The following CUBN variants were observed in gnomAD, a reference collection of about 807,000 sequenced individuals.
CUBN encodes the protein cubilin.
CUBN carries 282 observed loss-of-function variants against 405.3 expected under a neutral mutation model. The ratio of observed to expected loss-of-function variants is 0.70; its 90% CI spans 0.63 to 0.77. The LOEUF (loss-of-function observed/expected upper bound fraction) is 0.77, where lower values mean the gene tolerates loss of function less well. Among genes scored for constraint, CUBN ranks in the 30% least tolerant of loss-of-function variants. The pLI is 0.00. For synonymous variants in CUBN, 1,684 were observed against 1,617.0 expected, an observed-to-expected ratio of 1.04 and a Z score of -0.99; for missense variants, 4,514 against 4,475.2, an observed-to-expected ratio of 1.01 and a Z score of -0.25.
At chr10:17,038,665 G>A (rs1196419163) in intron 27 of CUBN, among the ~76,000 whole-genome samples, 1 of 152,210 alleles carries the variant, frequency 6.6e-6, no homozygotes, top group Non-Finnish European at 1.5e-5. Flanking sequence ...TAAAATAATG[G>A]AAGCTAGATT....
In CUBN at chr10:16,846,907, T is replaced by C. The variant is rs77460437; in HGVS notation, c.9663+4328A>G. 7.3e-3 allele frequency among the ~76,000 whole-genome samples: 1,107 copies of C among 152,184 alleles called. 11 individuals carry two copies. The highest frequency in any genetic ancestry group is 0.025 in the African/African-American group (1,042 of 41,524). ...TGTTAGGATGAGGACCTCTCTCTGC[T>C]GGTTCCATACTTCCTGGCAGAAAAA... On this transcript the variant is annotated intron_variant, in intron 60 of 66. Transcript: ENST00000377833.
At chr10:16,898,964 T>C in intron 54 of CUBN, 32 bp downstream of exon 54, 1 of 1,515,810 alleles carries the variant, frequency 6.6e-7, no homozygotes, top group South Asian at 1.1e-5. Flanking sequence ...CAAAACCAAC[T>C]TGGCTCCAAT....
intron 19 of CUBN, among the ~76,000 whole-genome samples, chr10:17,070,833 T>A (rs998985550): frequency 1.3e-5 from 2 of 152,194 alleles, no homozygotes; most frequent in Admixed American, 1.3e-4. Context: ...TCGTTCCCTT[T>A]CATTCTGGAT....
intron 28 of CUBN, among the ~76,000 whole-genome samples, chr10:17,014,694 A>T (rs192454898): frequency 6.6e-6 from 1 of 152,312 alleles, no homozygotes; most frequent in East Asian, 1.9e-4. Flanking sequence ...TGCTGGGATG[A>T]GGCTTCCAAA....
At chr10:16,985,265 A>T (rs911256639) in intron 29 of CUBN, among the ~76,000 whole-genome samples, 1 of 152,216 alleles carries the variant, frequency 6.6e-6, no homozygotes, top group African/African-American at 2.4e-5. Flanking sequence ...AGAGCAGAGG[A>T]GGAGAAGAAC....
chr10:16,838,943 G>T (rs1486867119), intron 62 of CUBN, among the ~76,000 whole-genome samples: 1 of 152,160 alleles, frequency 6.6e-6, no homozygotes, highest in African/African-American at 2.4e-5. Flanking sequence ...ACCACACCCA[G>T]CCCTTTTCTT....
chr10:17,126,934 TC>T, intron 3 of CUBN, 135 bp from the exon 4 acceptor site: 1 of 812,644 alleles, frequency 1.2e-6, no homozygotes, highest in African/African-American at 1.7e-5. Flanking sequence ...ATTCCCTTTT[TC>T]CTCTTCATTC....
At chr10:16,904,694 T>A (rs1841508119) in intron 50 of CUBN, among the ~76,000 whole-genome samples, 1 of 152,182 alleles carries the variant, frequency 6.6e-6, no homozygotes, top group Admixed American at 6.5e-5. Flanking sequence ...TTTTATTCTG[T>A]CAGATAAACA....
chr10:17,114,830 C>G (rs970154465), intron 7 of CUBN, among the ~76,000 whole-genome samples: 11 of 152,140 alleles, frequency 7.2e-5, no homozygotes, highest in African/African-American at 2.7e-4. Context: ...CTCCTTGAAA[C>G]CACATGTTGC....
At chr10:16,941,040 T>C (rs1033855963) in intron 36 of CUBN, among the ~76,000 whole-genome samples, 6 of 152,188 alleles carry the variant, frequency 3.9e-5, no homozygotes, top group Admixed American at 2.0e-4. Context: ...ATGATGTTCA[T>C]AGGTAACATA....
intron 21 of CUBN, among the ~76,000 whole-genome samples, chr10:17,067,197 G>T (rs964637409): frequency 6.6e-6 from 1 of 152,112 alleles, no homozygotes; most frequent in East Asian, 1.9e-4. Flanking sequence ...ACCATAGCAG[G>T]AAACAATCCA....
intron 22 of CUBN, among the ~76,000 whole-genome samples, chr10:17,063,616 C>A (rs1262082225): frequency 1.3e-5 from 2 of 152,142 alleles, no homozygotes; most frequent in East Asian, 3.8e-4. Flanking sequence ...AATCTAATAT[C>A]CTCCCTGCCC....
At chr10:16,974,901 A>G (rs1833047245) in intron 31 of CUBN, among the ~76,000 whole-genome samples, 1 of 152,148 alleles carries the variant, frequency 6.6e-6, no homozygotes, top group African/African-American at 2.4e-5. Flanking sequence ...ATAGCATTTT[A>G]TTTTCTCTAG....
At chr10:17,025,091 A>G (rs1237022102) in intron 27 of CUBN, among the ~76,000 whole-genome samples, 1 of 152,244 alleles carries the variant, frequency 6.6e-6, no homozygotes, top group East Asian at 1.9e-4. Flanking sequence ...TGCAAATTCC[A>G]TAAAACCTCT....
intron 14 of CUBN, among the ~76,000 whole-genome samples, chr10:17,094,880 T>C (rs939231522): frequency 2.6e-5 from 4 of 151,934 alleles, no homozygotes; most frequent in African/African-American, 9.7e-5. Flanking sequence ...AAGAATCCTA[T>C]AATTCATATG....
intron 54 of CUBN, among the ~76,000 whole-genome samples, chr10:16,895,348 CACACACACACAT>C (rs1564408823): frequency 2.8e-5 from 4 of 140,634 alleles, no homozygotes; most frequent in African/African-American, 1.3e-4. Flanking sequence ...TACACACACA[CACACACACACAT>C]ATATATACAC....
At chr10:16,883,663 C>G (rs12049735) in intron 56 of CUBN, among the ~76,000 whole-genome samples, 10,751 of 152,094 alleles carry the variant, frequency 0.071, 867 homozygotes, top group East Asian at 0.32. Flanking sequence ...TTAGATATAA[C>G]CCATAAACTG....
intron 28 of CUBN, among the ~76,000 whole-genome samples, chr10:17,006,602 ATCT>A (rs1834033552): frequency 6.6e-6 from 1 of 152,148 alleles, no homozygotes; most frequent in Non-Finnish European, 1.5e-5. Context: ...TGGAGCAAAG[ATCT>A]AACTTTAAGA....
At chr10:17,002,085 T>C (rs75278740) in intron 28 of CUBN, among the ~76,000 whole-genome samples, 4 of 152,300 alleles carry the variant, frequency 2.6e-5, no homozygotes, top group African/African-American at 9.6e-5. Flanking sequence ...TATGTAATGT[T>C]TGAAACAAAT....
Sources: gnomAD v4.1 joint callset for allele counts (sites outside exome capture counted in the v4.1 genomes callset) on GRCh38, gnomAD v4.1.1 for gene constraint, MANE v1.5 for transcripts, NCBI Gene and HGNC (gene_info 2026-07-23, HGNC 2026-07-21) for gene names.